Variants in RSPRY1 observed in about 807,000 individuals in gnomAD.
The protein encoded by RSPRY1 is ring finger and SPRY domain containing 1.
In RSPRY1, 23 loss-of-function variants were observed where a neutral mutation model predicts 73.1. That is an observed-to-expected ratio of 0.31 (90% CI 0.23 to 0.45). The LOEUF (loss-of-function observed/expected upper bound fraction) is 0.45, where lower values mean the gene tolerates loss of function less well. RSPRY1 is among the 20% of genes least tolerant of loss of function. The pLI, the probability that RSPRY1 is intolerant of heterozygous loss-of-function variation, is 1.00. For missense variants in RSPRY1, 448 were observed against 698.7 expected (o/e 0.64, Z 4.05); for synonymous variants, 226 against 251.4 (o/e 0.90, Z 0.95).
At chr16:57,231,106 CTATT>C in intron 12 of RSPRY1, 57 bp from the exon 13 acceptor site, 2 of 1,501,734 alleles carry the variant, frequency 1.3e-6, no homozygotes, top group Non-Finnish European at 1.8e-6. Context: ...ACTGTTCTAT[CTATT>C]AACTCTATTT....
intron 1 of RSPRY1, among the ~76,000 whole-genome samples, chr16:57,191,886 A>C (rs1472427103): frequency 6.6e-6 from 1 of 152,158 alleles, no homozygotes; most frequent in Admixed American, 6.5e-5. Context: ...CTTCTAGTAG[A>C]TGCTTTATCT....
rs2075348096 is a variant in RSPRY1, at chr16:57,239,477, TCA to T, written c.*507_*508del. The T allele has an allele frequency of 6.6e-6, 1 of 152,186 alleles. No individual in the cohort carries two copies. Among genetic ancestry groups the T allele is most frequent in the African/African-American group, 2.4e-5 (1 of 41,426 alleles). The allele number at this position is 152,186 out of a possible 1,614,324, so 9.4% of individuals were successfully genotyped here. On this transcript the variant is annotated 3_prime_UTR_variant, in exon 15 of 15. Transcript: ENST00000394420. ...AGACTTGAATCTATAAAAATTAGAA[TCA>T]CACAGTCAGTACTACAAGCAAAACA...
chr16:57,213,721 ACTTG>A (rs1358477895), intron 5 of RSPRY1, among the ~76,000 whole-genome samples, 163 bp from the exon 6 acceptor site: 11 of 152,222 alleles, frequency 7.2e-5, no homozygotes, highest in Non-Finnish European at 1.3e-4. Context: ...CTGTGGGCTC[ACTTG>A]CTTAACTGTG....
At chr16:57,218,328 T>A (rs1212407930) in intron 8 of RSPRY1, among the ~76,000 whole-genome samples, 1 of 152,248 alleles carries the variant, frequency 6.6e-6, no homozygotes, top group Non-Finnish European at 1.5e-5. Context: ...ACTCTTTTGG[T>A]GTTTTAAAAT....
intron 1 of RSPRY1, among the ~76,000 whole-genome samples, chr16:57,202,312 T>TTC (rs1252190967): frequency 6.6e-6 from 1 of 152,186 alleles, no homozygotes; most frequent in Non-Finnish European, 1.5e-5. Context: ...AAGCCTCTTG[T>TTC]TCTCTATCAG....
chr16:57,209,357 C>CT (rs1811815368), intron 4 of RSPRY1, among the ~76,000 whole-genome samples, 170 bp downstream of exon 4: 1 of 151,866 alleles, frequency 6.6e-6, no homozygotes, highest in Non-Finnish European at 1.5e-5. Context: ...GAATTATGTC[C>CT]TCTTTTTTTT....
intron 14 of RSPRY1, among the ~76,000 whole-genome samples, chr16:57,237,675 CT>C (rs1319539973): frequency 6.6e-6 from 1 of 151,638 alleles, no homozygotes; most frequent in Admixed American, 6.6e-5. Flanking sequence ...GCTAGTATCT[CT>C]TTATTTTTTT....
intron 2 of RSPRY1, among the ~76,000 whole-genome samples, chr16:57,206,240 C>CA (rs1461677557): frequency 6.6e-6 from 1 of 151,610 alleles, no homozygotes; most frequent in Non-Finnish European, 1.5e-5. Context: ...CCCATCTCTG[C>CA]AAAAAAAATT....
At chr16:57,197,517 GTC>G (rs1292812505) in intron 1 of RSPRY1, among the ~76,000 whole-genome samples, 1 of 151,044 alleles carries the variant, frequency 6.6e-6, no homozygotes, top group African/African-American at 2.4e-5. Context: ...AAAAAAAAAA[GTC>G]TGGCTTTAAA....
chr16:57,205,086 G>T lies in RSPRY1; in HGVS notation c.350+78G>T, dbSNP rs1472573855. On this transcript the variant is annotated intron_variant, in intron 2 of 14. Transcript: ENST00000394420. Reference sequence around the variant, plus strand: ...GAACCATGACTTTAGGACTCCTTCAGTTCCTTTAGGACATACTCGCCAAGC... The same window carrying T: ...GAACCATGACTTTAGGACTCCTTCATTTCCTTTAGGACATACTCGCCAAGC... 10 of 1,076,776 alleles carry T rather than the reference G, an allele frequency of 9.3e-6. No individual in the cohort carries two copies. The African/African-American group carries it at 1.1e-4, about 12-fold the overall frequency. The allele number at this position is 1,076,776 out of a possible 1,614,324, so 66.7% of individuals were successfully genotyped here.
chr16:57,212,860 G>T, intron 4 of RSPRY1, 112 bp from the exon 5 acceptor site: 1 of 1,099,000 alleles, frequency 9.1e-7, no homozygotes, highest in Non-Finnish European at 1.3e-6. Context: ...TGGTCCGCCC[G>T]CCTCGGCCTC....
At chr16:57,187,372 T>G (rs1281644917) in intron 1 of RSPRY1, among the ~76,000 whole-genome samples, 1 of 152,138 alleles carries the variant, frequency 6.6e-6, no homozygotes, top group East Asian at 1.9e-4. Flanking sequence ...GGTCCTGTCT[T>G]GTATAGTTCT....
intron 10 of RSPRY1, among the ~76,000 whole-genome samples, chr16:57,226,984 A>G (rs2146349241): frequency 6.6e-6 from 1 of 152,330 alleles, no homozygotes; most frequent in Middle Eastern, 3.4e-3. Flanking sequence ...TTCTTGGGCA[A>G]GTAATATATG....
intron 13 of RSPRY1, among the ~76,000 whole-genome samples, chr16:57,234,640 A>C (rs2075275225): frequency 6.6e-6 from 1 of 152,210 alleles, no homozygotes; most frequent in African/African-American, 2.4e-5. Flanking sequence ...TTCCATGCTG[A>C]GTGAAAGTAT....
At chr16:57,220,660 G>A in intron 8 of RSPRY1, 72 bp from the exon 9 acceptor site, 1 of 889,284 alleles carries the variant, frequency 1.1e-6, no homozygotes, top group Non-Finnish European at 1.9e-6. Context: ...TCTGATTGCT[G>A]TAGCTGGCAC....
chr16:57,231,374 TAAAC>T, intron 13 of RSPRY1, 55 bp downstream of exon 13: 2 of 1,502,346 alleles, frequency 1.3e-6, no homozygotes, highest in Non-Finnish European at 9.0e-7. Flanking sequence ...TATGAGAAAT[TAAAC>T]AATTTATAAT....
intron 9 of RSPRY1, 23 bp downstream of exon 9, chr16:57,220,870 GA>G (rs1361135012): frequency 6.7e-7 from 1 of 1,501,630 alleles, no homozygotes; most frequent in South Asian, 1.1e-5. Context: ...TCTACAGTTG[GA>G]CCCTTTGGGG....
intron 10 of RSPRY1, among the ~76,000 whole-genome samples, chr16:57,224,061 A>G (rs1465512250): frequency 3.9e-5 from 6 of 152,244 alleles, no homozygotes; most frequent in Non-Finnish European, 8.8e-5. Flanking sequence ...CAGAAAAGGA[A>G]TGATTTAGAA....
intron 12 of RSPRY1, 80 bp downstream of exon 12, chr16:57,230,893 AT>A (rs1184349368): frequency 1.2e-6 from 1 of 852,782 alleles, no homozygotes; most frequent in East Asian, 2.5e-5. Context: ...GTCTTTGTCC[AT>A]TTATATATGC....
Sources: gnomAD v4.1 joint callset for allele counts (sites outside exome capture counted in the v4.1 genomes callset) on GRCh38, gnomAD v4.1.1 for gene constraint, MANE v1.5 for transcripts, NCBI Gene and HGNC (gene_info 2026-07-23, HGNC 2026-07-21) for gene names.